MFAP4: variants seen among roughly 807,000 people sequenced by gnomAD.
MFAP4 encodes microfibril-associated glycoprotein 4.
Under a neutral mutation model 32.4 loss-of-function variants are expected in MFAP4, and 20 were observed. That is an observed-to-expected ratio of 0.62 (90% CI 0.43 to 0.90). The LOEUF (loss-of-function observed/expected upper bound fraction) is 0.90. MFAP4 is among the 40% of genes least tolerant of loss of function. The pLI is 0.00. For synonymous variants in MFAP4, 146 were observed against 137.4 expected, an observed-to-expected ratio of 1.06 and a Z score of -0.44; for missense variants, 267 against 329.5, an observed-to-expected ratio of 0.81 and a Z score of 1.47.
At chr17:19,385,822 G>C (rs903621165) in intron 3 of MFAP4, among the ~76,000 whole-genome samples, 3 of 152,198 alleles carry the variant, frequency 2.0e-5, no homozygotes, top group African/African-American at 7.2e-5. Flanking sequence ...AGGCTTATGT[G>C]CATTAACCTA....
intron 5 of MFAP4, among the ~76,000 whole-genome samples, 186 bp downstream of exon 5, chr17:19,384,913 G>A (rs1371399583): frequency 6.6e-6 from 1 of 152,244 alleles, no homozygotes; most frequent in African/African-American, 2.4e-5. Context: ...CCTGGAGCAG[G>A]GCCAGGATGG....
chr17:19,386,500 G>C, intron 2 of MFAP4, 36 bp from the exon 3 acceptor site: 1 of 1,589,364 alleles, frequency 6.3e-7, no homozygotes, highest in African/African-American at 1.3e-5. Context: ...GAGGAGAGTG[G>C]GACTATGGCA....
chr17:19,384,200 C>T lies in MFAP4; in HGVS notation c.*262G>A, dbSNP rs544773869. 3.6e-4 allele frequency: 170 copies of T among 466,262 alleles called. No homozygotes were observed. The highest frequency in any genetic ancestry group is 6.1e-4 in the Middle Eastern group (1 of 1,638). 28.9% of individuals were successfully genotyped at this position (466,262 alleles called of 1,614,324 possible). A position where few individuals can be genotyped will look rare whatever the true frequency, so the allele number is the denominator to read the frequency against. On this transcript the variant is annotated 3_prime_UTR_variant, in exon 6 of 6. Coordinates refer to ENST00000299610, the MANE Select transcript of MFAP4 (RefSeq NM_002404.3). Reference sequence around the variant, plus strand: ...CATTCTCATGGAGCCCAGCCAGGTCCAGGCTAGAACCATGTGCCTCTCGGA... The same window carrying T: ...CATTCTCATGGAGCCCAGCCAGGTCTAGGCTAGAACCATGTGCCTCTCGGA...
In MFAP4 at chr17:19,386,881, C is replaced by T. The variant is rs376880146; in HGVS notation, c.7-43G>A. The T allele has an allele frequency of 3.1e-4, 472 of 1,533,858 alleles. 2 individuals carry two copies. Among genetic ancestry groups the T allele is most frequent in the South Asian group, 1.6e-4 (13 of 83,154 alleles). On this transcript the variant is annotated intron_variant, in intron 1 of 5. Transcript: ENST00000299610. ...GGGTCAGCACAGCCCCTTCCCAGCTCCAGAGATCCCCTGTTCTCTTTGCAT... is the reference window on the plus strand; with the variant it reads ...GGGTCAGCACAGCCCCTTCCCAGCTTCAGAGATCCCCTGTTCTCTTTGCAT...
rs747839055 is a variant in MFAP4, at chr17:19,386,293, T to C, written c.240+17A>G. 2 of 1,573,044 alleles carry C rather than the reference T, an allele frequency of 1.3e-6. No individual in the cohort carries two copies. Among genetic ancestry groups the C allele is most frequent in the Admixed American group, 1.8e-5 (1 of 54,272 alleles). On this transcript the variant is annotated intron_variant, in intron 3 of 5. Coordinates refer to ENST00000299610, the MANE Select transcript of MFAP4 (RefSeq NM_002404.3). ...GATTAGAACCAGCTCTGGCCTCTGT[T>C]CCCTCCTCCCACTCACCGTCCACTT...
At chr17:19,384,998 G>A in intron 5 of MFAP4, 101 bp downstream of exon 5, 1 of 1,409,160 alleles carries the variant, frequency 7.1e-7, no homozygotes, top group South Asian at 1.3e-5. Context: ...GATCCAGAAG[G>A]GTTGAAGGAG....
chr17:19,385,603 G>A, intron 3 of MFAP4, 149 bp from the exon 4 acceptor site: 1 of 734,240 alleles, frequency 1.4e-6, no homozygotes, highest in South Asian at 1.7e-5. Context: ...TGGGAGTGGG[G>A]TTGCTAAAAC....
At chr17:19,384,926 G>T (rs760771675) in intron 5 of MFAP4, among the ~76,000 whole-genome samples, 173 bp downstream of exon 5, 18 of 152,244 alleles carry the variant, frequency 1.2e-4, no homozygotes, top group Non-Finnish European at 1.5e-4. Flanking sequence ...CAGGATGGCT[G>T]CTCCCCAGGG....
At chr17:19,385,306 A>C in intron 4 of MFAP4, 25 bp from the exon 5 acceptor site, 1 of 1,614,192 alleles carries the variant, frequency 6.2e-7, no homozygotes, top group Non-Finnish European at 8.5e-7. Flanking sequence ...CAGCTGGTCA[A>C]CAAGGACCTG....
chr17:19,386,985 A>ACCCCCC, intron 1 of MFAP4, 147 bp from the exon 2 acceptor site: 1 of 317,372 alleles, frequency 3.2e-6, no homozygotes, highest in African/African-American at 4.8e-5. Flanking sequence ...CTGCCCCCCC[A>ACCCCCC]CCCCGCCCGC....
In MFAP4 at chr17:19,385,140, C is replaced by T; in HGVS notation, c.479G>A (p.Gly160Asp). 6.2e-7 allele frequency: 1 copy of T among 1,614,246 alleles called. No homozygotes were observed. Among genetic ancestry groups the T allele is most frequent in the Non-Finnish European group, 8.5e-7 (1 of 1,180,034 alleles). Residue 160 changes from glycine to aspartate, a missense_variant, in exon 5 of 6, where the codon GGC (glycine) becomes GAC (aspartate). Physicochemically the swap from Gly to Asp is moderately conservative, Grantham distance 94. Transcript: ENST00000299610. ...SPNAVSAEED[G>D]YTLFVAGFED... is the part of the protein sequence containing the mutation. ...AAAGCCTGCCACAAAGAGGGTGTAG[C>T]CATCCTCCTCTGCGCTGACCGCGTT...
rs935636820 is a variant in MFAP4, at chr17:19,384,223, G to A, written c.*239C>T. On this transcript the variant is annotated 3_prime_UTR_variant, in exon 6 of 6. Coordinates refer to ENST00000299610, the MANE Select transcript of MFAP4 (RefSeq NM_002404.3). ...TCCAGGCTAGAACCATGTGCCTCTC[G>A]GAAGAGGCCTGGGGAACTGCTGGCA... The A allele has an allele frequency of 5.1e-5, 27 of 529,582 alleles. No individual in the cohort carries two copies. The highest frequency in any genetic ancestry group is 1.6e-4 in the Admixed American group (5 of 31,394). 32.8% of individuals were successfully genotyped at this position (529,582 alleles called of 1,614,324 possible).
chr17:19,386,972 T>TGGCTGGGGCCCCCCCCCCC, intron 1 of MFAP4, 134 bp from the exon 2 acceptor site: 1 of 937,012 alleles, frequency 1.1e-6, no homozygotes, highest in Non-Finnish European at 1.7e-6. Context: ...TGGCCCCTCT[T>TGGCTGGGGCCCCCCCCCCC]CCCTGCCCCC....
chr17:19,386,399 A>G lies in MFAP4; in HGVS notation c.151T>C (p.Ser51Pro). Residue 51 changes from serine (S) to proline (P), a missense_variant, in exon 3 of 6, where the codon TCA (serine) becomes CCA (proline). By Grantham distance (74) the Ser-to-Pro change is moderately conservative. Around this residue, in one of 3 missense-constraint regions of MFAP4, gnomAD observed 223 missense variants for 253.3 expected, o/e 0.88. Transcript: ENST00000299610. ...GGGTAGATGAGGTACACGCCGTCTG[A>G]CTGGTAGCCCTGGGCATAGATGTCG... ...CDDIYAQGYQ[S>P]DGVYLIYPSG... 5.6e-6 allele frequency: 9 copies of G among 1,613,740 alleles called. No homozygotes were observed. The highest frequency in any genetic ancestry group is 7.6e-6 in the Non-Finnish European group (9 of 1,179,914).
Position 19,384,960 on chromosome 17 carries a change from T to G in MFAP4, c.520+139A>C, listed in dbSNP as rs1215804813. ...GGCTGAGGCCCAAGCTGGTTTGAGCTTGTTTGGAGCCAGCTGTGGCCCTTC... is the reference window on the plus strand; with the variant it reads ...GGCTGAGGCCCAAGCTGGTTTGAGCGTGTTTGGAGCCAGCTGTGGCCCTTC... On this transcript the variant is annotated intron_variant, in intron 5 of 5. Transcript: ENST00000299610. The G allele has an allele frequency of 1.1e-5, 14 of 1,220,432 alleles. No individual in the cohort carries two copies. The Admixed American group carries it at 3.4e-4, about 30-fold the overall frequency. 75.6% of individuals were successfully genotyped at this position (1,220,432 alleles called of 1,614,324 possible).
chr17:19,385,648 A>C lies in MFAP4; in HGVS notation c.241-194T>G, dbSNP rs531045215. Among the ~76,000 whole-genome samples the C allele has an allele frequency of 3.8e-3, 584 of 152,312 alleles. 1 individual carries two copies. Among genetic ancestry groups the C allele is most frequent in the African/African-American group, 0.013 (558 of 41,548 alleles). ...ATTGGCACCAGGCCCCCTGTGGAGC[A>C]GTTGCCAGCACCCACCTGGGCTCTT... is the stretch of plus-strand genomic sequence containing the variant. On this transcript the variant is annotated intron_variant, in intron 3 of 5. Transcript: ENST00000299610.
At chr17:19,386,886 G>T (rs1444560400) in intron 1 of MFAP4, 48 bp from the exon 2 acceptor site, 1 of 1,531,138 alleles carries the variant, frequency 6.5e-7, no homozygotes. Context: ...CAGCTCCAGA[G>T]ATCCCCTGTT....
In MFAP4 at chr17:19,384,209, AC is replaced by A. The variant is rs1912936534; in HGVS notation, c.*252del. ...GGAGCCCAGCCAGGTCCAGGCTAGA[AC>A]CATGTGCCTCTCGGAAGAGGCCTGG... is the stretch of plus-strand genomic sequence containing the variant. On this transcript the variant is annotated 3_prime_UTR_variant, in exon 6 of 6. Transcript: ENST00000299610. The A allele has an allele frequency of 2.0e-6, 1 of 504,340 alleles. No individual in the cohort carries two copies. Among genetic ancestry groups the A allele is most frequent in the African/African-American group, 1.9e-5 (1 of 51,830 alleles). The allele number at this position is 504,340 out of a possible 1,614,324, so 31.2% of individuals were successfully genotyped here.
Position 19,384,609 on chromosome 17 carries a change from G to A in MFAP4, c.621C>T (p.Phe207=), listed in dbSNP as rs61743564. Residue 207 remains phenylalanine, a synonymous_variant, in exon 6 of 6, where the codon TTC becomes TTT. Coordinates refer to ENST00000299610, the MANE Select transcript of MFAP4 (RefSeq NM_002404.3). ...TGGCAAAGTGGCAGCTGCGGAACCA[G>A]AAGGCTCCTGAGGAGAGAGCTGCGC... The part of the protein sequence containing the change: ...QNCAALSSGA[F]WFRSCHFANL... 6.2e-7 allele frequency: 1 copy of A among 1,614,086 alleles called. No individual in the cohort carries two copies. Among genetic ancestry groups the A allele is most frequent in the African/African-American group, 1.3e-5 (1 of 74,930 alleles).
Sources: allele counts gnomAD v4.1 joint callset (sites outside exome capture counted in the v4.1 genomes callset), GRCh38; gene constraint gnomAD v4.1.1; regional missense constraint gnomAD v4.1.1; transcripts MANE v1.5; gene names NCBI Gene and HGNC (gene_info 2026-07-23, HGNC 2026-07-21).